The following MDGA2 variants were observed in gnomAD, a reference collection of about 807,000 sequenced individuals.
The protein encoded by MDGA2 is MAM domain containing glycosylphosphatidylinositol anchor 2.
A neutral mutation model predicts 117.8 loss-of-function variants in MDGA2; 40 were observed. The observed-to-expected ratio is 0.34, with a 90% confidence interval of 0.26 to 0.44. The LOEUF is 0.44. MDGA2 is among the 20% of genes least tolerant of loss of function. The pLI, the probability that MDGA2 is intolerant of heterozygous loss-of-function variation, is 1.00. For missense variants in MDGA2, 1,123 were observed against 1,250.6 expected, an observed-to-expected ratio of 0.90 and a Z score of 1.54; for synonymous variants, 452 against 439.0, an observed-to-expected ratio of 1.03 and a Z score of -0.37.
intron 8 of MDGA2, chr14:46,996,542 C>G (rs560005617): frequency 6.6e-6 from 1 of 152,560 alleles, no homozygotes. Flanking sequence ...TGTACCAGAT[C>G]TCAGCGTCTT....
intron 1 of MDGA2, among the ~76,000 whole-genome samples, chr14:47,414,529 TAAGAA>T (rs893034569): frequency 1.3e-5 from 2 of 152,154 alleles, no homozygotes; most frequent in East Asian, 1.9e-4. Flanking sequence ...TATAGATAGA[TAAGAA>T]AAGGGAAATA....
At chr14:47,249,524 C>A (rs2139636366) in intron 2 of MDGA2, among the ~76,000 whole-genome samples, 1 of 152,192 alleles carries the variant, frequency 6.6e-6, no homozygotes, top group East Asian at 1.9e-4. Context: ...TGTGGTTTTG[C>A]CATGTTGCCT....
chr14:47,386,386 TA>T (rs1178972293), intron 1 of MDGA2, among the ~76,000 whole-genome samples: 1 of 152,188 alleles, frequency 6.6e-6, no homozygotes, highest in Non-Finnish European at 1.5e-5. Context: ...GAGAAAAAAT[TA>T]AACCACTGAC....
chr14:47,112,700 A>G (rs1390907894), intron 5 of MDGA2, among the ~76,000 whole-genome samples: 5 of 152,184 alleles, frequency 3.3e-5, no homozygotes, highest in Non-Finnish European at 7.4e-5. Context: ...TGCAATGAAC[A>G]TATGTGTGCA....
intron 1 of MDGA2, among the ~76,000 whole-genome samples, chr14:47,518,927 G>C (rs1425325259): frequency 6.6e-6 from 1 of 152,146 alleles, no homozygotes; most frequent in Non-Finnish European, 1.5e-5. Context: ...TTATAGGCTG[G>C]GCACAGTGGC....
chr14:47,268,295 G>C (rs999103546), intron 2 of MDGA2, among the ~76,000 whole-genome samples: 1 of 151,874 alleles, frequency 6.6e-6, no homozygotes, highest in Non-Finnish European at 1.5e-5. Flanking sequence ...GGATGGTCTC[G>C]AACTCCTGAC....
intron 9 of MDGA2, among the ~76,000 whole-genome samples, chr14:46,949,567 ATCCATTGTTTAGG>A (rs374750176): frequency 8.4e-4 from 128 of 152,002 alleles, no homozygotes; most frequent in African/African-American, 2.9e-3. Flanking sequence ...GTCCATGTGT[ATCCATTGTTTAGG>A]TCCCATTTAT....
At chr14:47,341,749 G>C (rs1890629593) in intron 1 of MDGA2, among the ~76,000 whole-genome samples, 1 of 152,166 alleles carries the variant, frequency 6.6e-6, no homozygotes, top group African/African-American at 2.4e-5. Context: ...TTTGGCGGCA[G>C]CTATTTGCAA....
Position 47,248,000 on chromosome 14 carries a change from T to C in MDGA2, c.421-29805A>G, listed in dbSNP as rs1420113188. On this transcript the variant is annotated intron_variant, in intron 2 of 16. Transcript: ENST00000399232. ...CATCCTTTTTTTTATGGATGCATAG[T>C]ATTCCATGGTATATATGTGCCACAT... 3.3e-5 allele frequency among the ~76,000 whole-genome samples: 5 copies of C among 151,618 alleles called. No individual in the cohort carries two copies. The East Asian group carries it at 9.6e-4, about 29-fold the overall frequency.
chr14:47,299,146 A>AT (rs1258833906), intron 2 of MDGA2, among the ~76,000 whole-genome samples: 1 of 152,174 alleles, frequency 6.6e-6, no homozygotes, highest in Non-Finnish European at 1.5e-5. Context: ...TGCTTAGGAA[A>AT]AAAATAAAAA....
intron 1 of MDGA2, among the ~76,000 whole-genome samples, chr14:47,415,791 T>C (rs1892463800): frequency 1.3e-5 from 2 of 152,114 alleles, no homozygotes; most frequent in Non-Finnish European, 2.9e-5. Context: ...GAGGGCCTCC[T>C]CCAGGCTGCA....
chr14:47,150,136 A>T (rs899789568), intron 3 of MDGA2, among the ~76,000 whole-genome samples: 4 of 152,166 alleles, frequency 2.6e-5, no homozygotes, highest in Non-Finnish European at 5.9e-5. Context: ...GCCTCTAATT[A>T]GGAGGAATAG....
chr14:47,304,945 C>A (rs569765799), intron 1 of MDGA2, among the ~76,000 whole-genome samples: 6 of 152,242 alleles, frequency 3.9e-5, no homozygotes, highest in African/African-American at 1.4e-4. Context: ...ATTATCTTCT[C>A]TTTTCTTCCA....
At chr14:46,864,020 T>C (rs1881618388) in intron 14 of MDGA2, among the ~76,000 whole-genome samples, 1 of 151,840 alleles carries the variant, frequency 6.6e-6, no homozygotes, top group Non-Finnish European at 1.5e-5. Flanking sequence ...ACCCACTAAC[T>C]CGTCATCTAG....
chr14:47,646,964 CATA>C (rs1274333337), intron 1 of MDGA2, among the ~76,000 whole-genome samples: 1 of 152,072 alleles, frequency 6.6e-6, no homozygotes, highest in African/African-American at 2.4e-5. Context: ...TCTACTGCAC[CATA>C]ATTTACATGA....
At chr14:47,573,424 A>G (rs2138825623) in intron 1 of MDGA2, among the ~76,000 whole-genome samples, 1 of 152,266 alleles carries the variant, frequency 6.6e-6, no homozygotes, top group African/African-American at 2.4e-5. Flanking sequence ...TACATTTCTC[A>G]TTTCCAGGGC....
chr14:46,932,251 T>A (rs1884609334), intron 9 of MDGA2, among the ~76,000 whole-genome samples: 1 of 151,750 alleles, frequency 6.6e-6, no homozygotes, highest in South Asian at 2.1e-4. Flanking sequence ...TTTTCCTAAA[T>A]TAAAAAAAAA....
chr14:47,241,148 A>G (rs1280415934), intron 2 of MDGA2, among the ~76,000 whole-genome samples: 4 of 151,890 alleles, frequency 2.6e-5, no homozygotes, highest in African/African-American at 9.7e-5. Flanking sequence ...GATCATTTAA[A>G]AGGTTACTTT....
At chr14:47,604,209 A>T (rs968624777) in intron 1 of MDGA2, among the ~76,000 whole-genome samples, 6 of 152,036 alleles carry the variant, frequency 3.9e-5, no homozygotes, top group African/African-American at 1.5e-4. Flanking sequence ...AATATTTGTA[A>T]CCTTCATGTT....
Sources: gnomAD v4.1 joint callset for allele counts (sites outside exome capture counted in the v4.1 genomes callset) on GRCh38, gnomAD v4.1.1 for gene constraint, MANE v1.5 for transcripts, NCBI Gene and HGNC (gene_info 2026-07-23, HGNC 2026-07-21) for gene names.